The following ANKRD11 variants were observed in gnomAD, a reference collection of about 807,000 sequenced individuals.
ANKRD11 encodes the protein ankyrin repeat domain 11.
In ANKRD11, 17 loss-of-function variants were observed where a neutral mutation model predicts 195.7. The ratio of observed to expected loss-of-function variants is 0.09; its 90% CI spans 0.06 to 0.13. ANKRD11 has a LOEUF of 0.13. ANKRD11 is among the 10% of genes least tolerant of loss of function. The pLI is 1.00. For missense variants in ANKRD11, 3,735 were observed against 3,566.1 expected (o/e 1.05, Z -1.21); for synonymous variants, 1,953 against 1,528.1 (o/e 1.28, Z -6.49).
Position 89,435,804 on chromosome 16 carries a change from A to T in ANKRD11, c.-144-17436T>A, listed in dbSNP as rs866460637. Among the ~76,000 whole-genome samples the T allele has an allele frequency of 5.7e-3, 857 of 149,956 alleles. 7 individuals carry two copies. The highest frequency in any genetic ancestry group is 0.02 in the African/African-American group (813 of 40,426). On this transcript the variant is annotated intron_variant, in intron 1 of 12. Transcript: ENST00000301030. Reference sequence around the variant, plus strand: ...CCACAGCCACCAGCTCTTCACACACACACACACACACACACACACACACAC... The same window carrying T: ...CCACAGCCACCAGCTCTTCACACACTCACACACACACACACACACACACAC...
intron 1 of ANKRD11, among the ~76,000 whole-genome samples, chr16:89,461,534 G>T (rs796992061): frequency 6.6e-6 from 1 of 152,054 alleles, no homozygotes; most frequent in Non-Finnish European, 1.5e-5. Flanking sequence ...TAGAAACAGG[G>T]TATCTTCATT....
chr16:89,385,330 T>C (rs967845463), intron 2 of ANKRD11, among the ~76,000 whole-genome samples: 20 of 151,932 alleles, frequency 1.3e-4, no homozygotes, highest in Admixed American at 5.9e-4. Context: ...TGTTTTGCCA[T>C]GTTGGCCGGG....
At chr16:89,461,065 C>A (rs1370454046) in intron 1 of ANKRD11, among the ~76,000 whole-genome samples, 2 of 142,784 alleles carry the variant, frequency 1.4e-5, no homozygotes, top group African/African-American at 5.2e-5. Context: ...GGAGACGCAC[C>A]TTGAGTGGTG....
intron 2 of ANKRD11, among the ~76,000 whole-genome samples, chr16:89,383,290 T>C (rs186003624): frequency 1.3e-5 from 2 of 152,306 alleles, no homozygotes; most frequent in African/African-American, 4.8e-5. Context: ...GCCATTAGGA[T>C]TTCCAGGGAA....
At chr16:89,296,747 A>G (rs570821856) in intron 4 of ANKRD11, among the ~76,000 whole-genome samples, 107 of 152,302 alleles carry the variant, frequency 7.0e-4, no homozygotes, top group African/African-American at 2.2e-3. Flanking sequence ...TGGGAGCCGG[A>G]AGGCCGGGAT....
At chr16:89,418,795 A>C (rs535283127) in intron 1 of ANKRD11, among the ~76,000 whole-genome samples, 5 of 147,174 alleles carry the variant, frequency 3.4e-5, no homozygotes, top group Admixed American at 6.8e-5. Context: ...ACAGAGTTTC[A>C]CTCTTGTCCC....
rs1263337419 is a variant in ANKRD11 at position 89,293,606 on chromosome 16, G to A, written c.227-2423C>T. 3.7e-5 allele frequency among the ~76,000 whole-genome samples: 5 copies of A among 136,346 alleles called. No individual in the cohort carries two copies. In the South Asian group the frequency reaches 7.5e-4, roughly 20 times the overall value. The allele number at this position is 136,346 out of a possible 152,430, so 89.4% of individuals were successfully genotyped here. ...GGAGCTGGGGCAGAGTTGGGGCTGC[G>A]GAGGGAGGAGCTGGGGCGGTGTTGG... On this transcript the variant is annotated intron_variant, in intron 4 of 12. Transcript: ENST00000301030.
intron 4 of ANKRD11, among the ~76,000 whole-genome samples, chr16:89,297,338 A>C (rs1185617091): frequency 6.6e-6 from 1 of 152,120 alleles, no homozygotes; most frequent in Admixed American, 6.6e-5. Context: ...CCATGGCGAT[A>C]TTTTCAAACA....
intron 2 of ANKRD11, among the ~76,000 whole-genome samples, chr16:89,414,826 T>C (rs1196866404): frequency 1.3e-5 from 2 of 152,190 alleles, no homozygotes; most frequent in Non-Finnish European, 2.9e-5. Context: ...CAGCACCGTG[T>C]ACTGAAGAAG....
At chr16:89,313,999 G>A (rs1262230234) in intron 3 of ANKRD11, among the ~76,000 whole-genome samples, 1 of 152,216 alleles carries the variant, frequency 6.6e-6, no homozygotes, top group Non-Finnish European at 1.5e-5. Flanking sequence ...GGAAGCTGAA[G>A]GATCACTTGA....
At chr16:89,390,880 C>A (rs1392432791) in intron 2 of ANKRD11, among the ~76,000 whole-genome samples, 4 of 152,174 alleles carry the variant, frequency 2.6e-5, no homozygotes, top group Non-Finnish European at 5.9e-5. Context: ...ATCCTTTCCA[C>A]GACACTGGTG....
In ANKRD11 at chr16:89,284,092, T is replaced by C. The variant is rs1034127682; in HGVS notation, c.2450A>G (p.Tyr817Cys). 1 of 1,613,940 alleles carries C rather than the reference T, an allele frequency of 6.2e-7. No individual in the cohort carries two copies. The highest frequency in any genetic ancestry group is 8.5e-7 in the Non-Finnish European group (1 of 1,179,944). The change falls in exon 9 of 13, where the codon TAT (tyrosine) becomes TGT (cysteine). Residue 817 changes from tyrosine to cysteine, a missense_variant. Coordinates refer to ENST00000301030, the MANE Select transcript of ANKRD11 (RefSeq NM_013275.6). ...CTCCAGAAACTGATTTTTGTTACAA[T>C]ATTCGTCAAAAGCAGAATCTTCCCT... ...VYREDSAFDE[Y>C]CNKNQFLENE...
chr16:89,269,152 T>C (rs1360073360), intron 12 of ANKRD11, among the ~76,000 whole-genome samples: 1 of 152,184 alleles, frequency 6.6e-6, no homozygotes, highest in Non-Finnish European at 1.5e-5. Flanking sequence ...GGAGTACTGG[T>C]ATGTCACAAG....
intron 1 of ANKRD11, among the ~76,000 whole-genome samples, chr16:89,489,505 G>A (rs1322598008): frequency 2.0e-5 from 3 of 149,148 alleles, no homozygotes; most frequent in Non-Finnish European, 4.5e-5. Context: ...ACGCCCCCAG[G>A]TCCCCAGTTC....
At position 89,283,699 on chromosome 16, in the gene ANKRD11, C is replaced by T; in HGVS notation, c.2843G>A (p.Gly948Glu). The change falls in exon 9 of 13, where the codon GGG (glycine) becomes GAG (glutamate). Residue 948 changes from glycine (G) to glutamate (E), a missense_variant. Gly to Glu is a moderately conservative substitution (Grantham distance 98). Coordinates refer to ENST00000301030, the MANE Select transcript of ANKRD11 (RefSeq NM_013275.6). This position sits in a 1 kb window ranked among gnomAD's most constrained non-coding sequence, Gnocchi z 4.3. Reference protein sequence around the residue: ...DKKRRESAEAGRDRKDALESC... With the variant: ...DKKRRESAEAERDRKDALESC... ...CTCCAGGGCGTCCTTTCTGTCCCGC[C>T]CGGCCTCTGCGGACTCTCTCCTCTT... 1 of 1,613,470 alleles carries T rather than the reference C, an allele frequency of 6.2e-7. No homozygotes were observed.
chr16:89,292,507 C>G (rs999695578), intron 4 of ANKRD11, among the ~76,000 whole-genome samples: 1 of 152,196 alleles, frequency 6.6e-6, no homozygotes, highest in Non-Finnish European at 1.5e-5. Flanking sequence ...AGGCTGATTT[C>G]TTAGGAATTC....
At position 89,280,466 on chromosome 16, in the gene ANKRD11, C is replaced by A. The variant is rs752781169; in HGVS notation, c.6076G>T (p.Ala2026Ser). 2.5e-6 allele frequency: 4 copies of A among 1,598,742 alleles called. No individual in the cohort carries two copies. Among genetic ancestry groups the A allele is most frequent in the South Asian group, 2.2e-5 (2 of 90,094 alleles). Residue 2026 changes from alanine (A) to serine (S), a missense_variant, in exon 9 of 13, where the codon GCT becomes TCT. By Grantham distance (99) the Ala-to-Ser change is moderately conservative. Transcript: ENST00000301030. ...AGCCCCGGCTCAGCGACGGGCAGAGCGTACGGGGCAGGAGAGGCGGGAGGG... is the reference window on the plus strand; with the variant it reads ...AGCCCCGGCTCAGCGACGGGCAGAGAGTACGGGGCAGGAGAGGCGGGAGGG... ...PAPPASPAPY[A>S]LPVAEPGLED...
chr16:89,378,180 T>A (rs777122473), intron 2 of ANKRD11, among the ~76,000 whole-genome samples: 14 of 152,182 alleles, frequency 9.2e-5, no homozygotes, highest in Admixed American at 2.0e-4. Flanking sequence ...CAAGCGAGAC[T>A]CTGTCTCTTT....
intron 2 of ANKRD11, among the ~76,000 whole-genome samples, chr16:89,390,532 C>T (rs1363912477): frequency 6.6e-6 from 1 of 152,152 alleles, no homozygotes; most frequent in Non-Finnish European, 1.5e-5. Context: ...AAACTGTAAA[C>T]TCTAGTGATC....
Sources: gnomAD v4.1 joint callset for allele counts (sites outside exome capture counted in the v4.1 genomes callset) on GRCh38, gnomAD v4.1.1 for gene constraint, Gnocchi (gnomAD v3.1) non-coding constraint, MANE v1.5 for transcripts, NCBI Gene and HGNC (gene_info 2026-07-23, HGNC 2026-07-21) for gene names.